The following ZNF521 variants were observed in gnomAD, a reference collection of about 807,000 sequenced individuals.
The protein encoded by ZNF521 is zinc finger protein 521, also known as LYST-interacting protein 3.
A neutral mutation model predicts 105.5 loss-of-function variants in ZNF521; 14 were observed. The ratio of observed to expected loss-of-function variants is 0.13; its 90% CI spans 0.09 to 0.21. The LOEUF (loss-of-function observed/expected upper bound fraction) is 0.21, where lower values mean the gene tolerates loss of function less well. ZNF521 is among the 10% of genes least tolerant of loss of function. The pLI, the probability that ZNF521 is intolerant of heterozygous loss-of-function variation, is 1.00. For synonymous variants in ZNF521, 635 were observed against 606.0 expected, an observed-to-expected ratio of 1.05 and a Z score of -0.70; for missense variants, 1,233 against 1,629.7, an observed-to-expected ratio of 0.76 and a Z score of 4.19.
At position 25,097,706 on chromosome 18, in the gene ZNF521, G is replaced by C. The variant is rs570130435; in HGVS notation, c.3659-5625C>G. Among the ~76,000 whole-genome samples the C allele has an allele frequency of 5.3e-5, 8 of 152,224 alleles. No individual in the cohort carries two copies. The South Asian group carries it at 1.2e-3, about 24-fold the overall frequency. On this transcript the variant is annotated intron_variant, in intron 5 of 7. Transcript: ENST00000361524. The stretch of plus-strand genomic sequence containing the variant: ...GTGTGCACAAAGTGCCTAACCCTTA[G>C]GTATCTCAAGAGCCGCAGGATACAC...
At chr18:25,256,044 TA>T (rs1908478156) in intron 3 of ZNF521, among the ~76,000 whole-genome samples, 1 of 147,088 alleles carries the variant, frequency 6.8e-6, no homozygotes, top group Admixed American at 6.8e-5. Context: ...ATATATATGA[TA>T]TATATATATG....
chr18:25,095,089 T>TG (rs573481033), intron 5 of ZNF521, among the ~76,000 whole-genome samples: 19 of 152,018 alleles, frequency 1.2e-4, no homozygotes, highest in African/African-American at 3.1e-4. Context: ...TAGAATTGGG[T>TG]GGGGGGGATC....
chr18:25,081,403 A>G (rs993787032), intron 7 of ZNF521, among the ~76,000 whole-genome samples: 1 of 152,232 alleles, frequency 6.6e-6, no homozygotes, highest in Non-Finnish European at 1.5e-5. Context: ...GAGAATTTTT[A>G]AAAACTGAGC....
chr18:25,308,665 C>T (rs1600287137), intron 3 of ZNF521, among the ~76,000 whole-genome samples: 2 of 146,512 alleles, frequency 1.4e-5, no homozygotes, highest in Admixed American at 6.8e-5. Context: ...CCCCCCCACC[C>T]GCCACAGCCC....
At chr18:25,310,214 T>C (rs1005600567) in intron 3 of ZNF521, among the ~76,000 whole-genome samples, 1 of 152,176 alleles carries the variant, frequency 6.6e-6, no homozygotes, top group Non-Finnish European at 1.5e-5. Flanking sequence ...AAAATCAGCA[T>C]TTCTCAAGAC....
intron 4 of ZNF521, among the ~76,000 whole-genome samples, chr18:25,218,482 TAAAAA>T (rs35500329): frequency 1.3e-5 from 1 of 79,874 alleles, no homozygotes; most frequent in Non-Finnish European, 2.3e-5. Context: ...TCGAGCCTAC[TAAAAA>T]AAAAAAAAAA....
At chr18:25,170,892 A>G (rs2035438146) in intron 5 of ZNF521, among the ~76,000 whole-genome samples, 1 of 152,090 alleles carries the variant, frequency 6.6e-6, no homozygotes, top group Non-Finnish European at 1.5e-5. Flanking sequence ...TTTGTGTCCA[A>G]ATAAATCAGT....
chr18:25,301,701 T>C (rs1318124894), intron 3 of ZNF521, among the ~76,000 whole-genome samples: 3 of 152,186 alleles, frequency 2.0e-5, no homozygotes, highest in Non-Finnish European at 4.4e-5. Flanking sequence ...TCTCTTAGCT[T>C]GTTCCCAAAG....
chr18:25,294,033 T>C (rs1911182857), intron 3 of ZNF521, among the ~76,000 whole-genome samples: 1 of 152,200 alleles, frequency 6.6e-6, no homozygotes, highest in Non-Finnish European at 1.5e-5. Context: ...TTCATTTTTA[T>C]CATTGGTATT....
chr18:25,240,737 CAG>C (rs1159337835), intron 3 of ZNF521, among the ~76,000 whole-genome samples: 2 of 151,948 alleles, frequency 1.3e-5, no homozygotes, highest in South Asian at 2.1e-4. Flanking sequence ...CCAATTAAAT[CAG>C]ACTCTCTGAG....
In ZNF521 at chr18:25,349,887, C is replaced by G. The variant is rs1299361429; in HGVS notation, c.40+1020G>C. 6.6e-5 allele frequency among the ~76,000 whole-genome samples: 10 copies of G among 151,032 alleles called. No individual in the cohort carries two copies. In the East Asian group the frequency reaches 1.6e-3, roughly 24 times the overall value. On this transcript the variant is annotated intron_variant, in intron 2 of 7. Transcript: ENST00000361524. Reference sequence around the variant, plus strand: ...GCCCCCTGGCCCTCGCCCCGGTTCCCCGTCCTGCCCGCGCGCCCCTCCTCC... The same window carrying G: ...GCCCCCTGGCCCTCGCCCCGGTTCCGCGTCCTGCCCGCGCGCCCCTCCTCC...
chr18:25,233,963 T>G (rs1377781151), intron 3 of ZNF521, among the ~76,000 whole-genome samples: 1 of 152,214 alleles, frequency 6.6e-6, no homozygotes, highest in East Asian at 1.9e-4. Context: ...CAGTGCATTC[T>G]TAAGCAGTTC....
At position 25,287,224 on chromosome 18, in the gene ZNF521, G is replaced by A. The variant is rs555428495; in HGVS notation, c.220+34784C>T. On this transcript the variant is annotated intron_variant, in intron 3 of 7. Coordinates refer to ENST00000361524, the MANE Select transcript of ZNF521 (RefSeq NM_015461.3). Reference sequence around the variant, plus strand: ...CTTCTCTTCTGAGGAAACTGACTCCGTAATCATTCTGACATGCAACTGAGG... The same window carrying A: ...CTTCTCTTCTGAGGAAACTGACTCCATAATCATTCTGACATGCAACTGAGG... Among the ~76,000 whole-genome samples the A allele has an allele frequency of 7.9e-5, 12 of 152,270 alleles. No homozygotes were observed. The South Asian group carries it at 1.7e-3, about 21-fold the overall frequency.
intron 3 of ZNF521, among the ~76,000 whole-genome samples, chr18:25,277,338 GTT>G: frequency 6.6e-6 from 1 of 151,990 alleles, no homozygotes; most frequent in Non-Finnish European, 1.5e-5. Flanking sequence ...TTAAAACAAT[GTT>G]ACTTTCCTTT....
At chr18:25,329,900 A>T (rs2145171665) in intron 2 of ZNF521, among the ~76,000 whole-genome samples, 1 of 109,238 alleles carries the variant, frequency 9.2e-6, no homozygotes, top group East Asian at 2.5e-4. Context: ...AAACTAAGTC[A>T]ACGGCAGAAA....
At chr18:25,218,665 C>T (rs1325695611) in intron 4 of ZNF521, among the ~76,000 whole-genome samples, 5 of 146,900 alleles carry the variant, frequency 3.4e-5, no homozygotes, top group East Asian at 2.0e-4. Flanking sequence ...GAAAAAAACC[C>T]GTCTCTACTA....
At chr18:25,249,667 G>T (rs528848246) in intron 3 of ZNF521, among the ~76,000 whole-genome samples, 221 of 151,718 alleles carry the variant, frequency 1.5e-3, no homozygotes, top group Non-Finnish European at 2.8e-3. Context: ...TTGCCATGTT[G>T]GCCAGGCTGA....
chr18:25,238,895 A>G lies in ZNF521; in HGVS notation c.221-11198T>C, dbSNP rs1021809038. 3.9e-5 allele frequency among the ~76,000 whole-genome samples: 6 copies of G among 152,238 alleles called. No homozygotes were observed. In the East Asian group the frequency reaches 1.2e-3, roughly 30 times the overall value. On this transcript the variant is annotated intron_variant, in intron 3 of 7. Transcript: ENST00000361524. ...TGGGGCCCAGAAATCTCCCTTTTTT[A>G]GCAAGTTTCCTGAGTCTTCACCTGC...
intron 2 of ZNF521, among the ~76,000 whole-genome samples, chr18:25,344,532 G>C: frequency 6.6e-6 from 1 of 152,146 alleles, no homozygotes; most frequent in Non-Finnish European, 1.5e-5. Flanking sequence ...AATGGAATTA[G>C]AAAGTTGCAT....
Sources: gnomAD v4.1 joint callset for allele counts (sites outside exome capture counted in the v4.1 genomes callset) on GRCh38, gnomAD v4.1.1 for gene constraint, MANE v1.5 for transcripts, NCBI Gene and HGNC (gene_info 2026-07-23, HGNC 2026-07-21) for gene names.